MTPAP: variants seen among roughly 807,000 people sequenced by gnomAD.
MTPAP encodes poly(A) RNA polymerase, mitochondrial.
A neutral mutation model predicts 48.7 loss-of-function variants in MTPAP; 23 were observed. The ratio of observed to expected loss-of-function variants is 0.47; its 90% CI spans 0.34 to 0.67. MTPAP has a LOEUF of 0.67. Ranked by LOEUF, MTPAP falls within the 30% of genes least tolerant of loss-of-function variation. MTPAP has a pLI of 0.01. For synonymous variants in MTPAP, 257 were observed against 254.1 expected, an observed-to-expected ratio of 1.01 and a Z score of -0.11; for missense variants, 614 against 694.3, an observed-to-expected ratio of 0.88 and a Z score of 1.30.
intron 4 of MTPAP, among the ~76,000 whole-genome samples, chr10:30,328,747 CTAAG>C (rs1834628572): frequency 1.3e-5 from 2 of 152,042 alleles, no homozygotes; most frequent in African/African-American, 2.4e-5. Context: ...GGAACAGGAA[CTAAG>C]TAAGGTTCAG....
intron 8 of MTPAP, among the ~76,000 whole-genome samples, chr10:30,315,530 CA>C (rs1167513026): frequency 2.9e-5 from 4 of 138,204 alleles, no homozygotes; most frequent in Admixed American, 2.2e-4. Context: ...CAAAACAAAA[CA>C]AAACAAAAAA....
At chr10:30,328,717 C>G (rs937147382) in intron 4 of MTPAP, among the ~76,000 whole-genome samples, 40 of 152,216 alleles carry the variant, frequency 2.6e-4, no homozygotes, top group African/African-American at 9.4e-4. Flanking sequence ...TTGGAGATCT[C>G]TACTGGGAAC....
intron 4 of MTPAP, among the ~76,000 whole-genome samples, chr10:30,327,675 G>A (rs1476128944): frequency 6.6e-6 from 1 of 151,360 alleles, no homozygotes; most frequent in Non-Finnish European, 1.5e-5. Flanking sequence ...GTGAAACCCC[G>A]TCTCTACTAA....
chr10:30,319,960 T>G (rs1840702661), intron 6 of MTPAP, among the ~76,000 whole-genome samples: 1 of 152,230 alleles, frequency 6.6e-6, no homozygotes, highest in Admixed American at 6.5e-5. Flanking sequence ...TATTTAAATG[T>G]ATTTTAATGT....
intron 6 of MTPAP, among the ~76,000 whole-genome samples, 169 bp from the exon 7 acceptor site, chr10:30,316,379 A>AT (rs1183349415): frequency 1.3e-5 from 2 of 151,428 alleles, no homozygotes; most frequent in Non-Finnish European, 2.9e-5. Context: ...GGTAGCTGGG[A>AT]TTATAGGCAC....
At position 30,313,764 on chromosome 10, in the gene MTPAP, G is replaced by C. The variant is rs1021444031; in HGVS notation, c.1594C>G (p.Leu532Val). ...GACTTTCTGTTTGGAGCAGATGGTA[G>C]CAATAGGGATACCAGCCCCCAGGGC... ...NRPWGLVSLL[L>V]PSAPNRKSFT... The change falls in exon 9 of 9, where the codon CTA (leucine) becomes GTA (valine). Residue 532 changes from leucine (L) to valine (V), a missense_variant. Leu to Val is a conservative substitution (Grantham distance 32). Around this residue, in one of 5 missense-constraint regions of MTPAP, gnomAD observed 109 missense variants for 100.5 expected, o/e 1.08. Transcript: ENST00000263063. 13 of 1,614,104 alleles carry C rather than the reference G, an allele frequency of 8.1e-6. No individual in the cohort carries two copies. In the East Asian group the frequency reaches 8.9e-5, roughly 11 times the overall value.
chr10:30,337,010 G>T lies in MTPAP; in HGVS notation c.573C>A (p.Asn191Lys). The T allele has an allele frequency of 6.2e-7, 1 of 1,613,048 alleles. No individual in the cohort carries two copies. Among genetic ancestry groups the T allele is most frequent in the Non-Finnish European group, 8.5e-7 (1 of 1,179,746 alleles). ...TTAGCTGGAACTCCTTCAAGAGAGT[G>T]TTCAGCTGATCGTCTATCTAGCTAG... ...CYAESIDDQL[N>K]TLLKEFQLTE... The change falls in exon 4 of 9, where the codon AAC becomes AAA. Residue 191 changes from asparagine (N) to lysine (K), a missense_variant. This residue lies in a region of MTPAP where 114 missense variants were observed against 107.9 expected (regional missense o/e 1.06). Transcript: ENST00000263063.
chr10:30,328,632 C>G (rs940827399), intron 4 of MTPAP, among the ~76,000 whole-genome samples: 5 of 152,156 alleles, frequency 3.3e-5, no homozygotes, highest in African/African-American at 1.2e-4. Context: ...TGGACATCTA[C>G]CCCCTTCCTT....
chr10:30,324,860 C>T (rs796759522), intron 5 of MTPAP, among the ~76,000 whole-genome samples: 11 of 152,118 alleles, frequency 7.2e-5, no homozygotes, highest in African/African-American at 2.6e-4. Flanking sequence ...AGCATGATCA[C>T]ATGTGCCTGT....
chr10:30,337,379 G>A (rs903639707), intron 3 of MTPAP, among the ~76,000 whole-genome samples: 10 of 151,906 alleles, frequency 6.6e-5, no homozygotes, highest in African/African-American at 1.7e-4. Flanking sequence ...AGCCAAGATC[G>A]CACCATTGCA....
chr10:30,325,559 C>T (rs1310847736), intron 5 of MTPAP, among the ~76,000 whole-genome samples: 2 of 152,018 alleles, frequency 1.3e-5, no homozygotes, highest in African/African-American at 4.8e-5. Flanking sequence ...CCAGCCTGGC[C>T]AACAGGGTGA....
At position 30,340,387 on chromosome 10, in the gene MTPAP, G is replaced by A. The variant is rs753297953; in HGVS notation, c.394C>T (p.His132Tyr). 2.5e-6 allele frequency: 4 copies of A among 1,614,170 alleles called. No homozygotes were observed. Among genetic ancestry groups the A allele is most frequent in the East Asian group, 2.2e-5 (1 of 44,888 alleles). The change falls in exon 3 of 9, where the codon CAT becomes TAT. Residue 132 changes from histidine (H) to tyrosine (Y), a missense_variant. This residue lies in a region of MTPAP where 114 missense variants were observed against 107.9 expected (regional missense o/e 1.06). Transcript: ENST00000263063. The stretch of plus-strand genomic sequence containing the variant: ...GTCTCCATGGCCGTGCTTGGAGTAT[G>A]AGTCCCATTCTGCAGTGAACCTATG... ...ESIGSLQNGT[H>Y]TPSTAMETAI...
At chr10:30,329,368 C>T (rs562303244) in intron 4 of MTPAP, among the ~76,000 whole-genome samples, 16 of 152,236 alleles carry the variant, frequency 1.1e-4, no homozygotes, top group African/African-American at 3.8e-4. Context: ...GCTGGAACTA[C>T]AGGTACACAC....
intron 1 of MTPAP, among the ~76,000 whole-genome samples, chr10:30,347,801 G>C (rs1289678832): frequency 6.6e-6 from 1 of 152,098 alleles, no homozygotes; most frequent in Non-Finnish European, 1.5e-5. Flanking sequence ...TGAGGCAGGA[G>C]AATCACTTAA....
At chr10:30,331,994 T>C (rs1401985793) in intron 4 of MTPAP, among the ~76,000 whole-genome samples, 2 of 152,194 alleles carry the variant, frequency 1.3e-5, no homozygotes, top group South Asian at 2.1e-4. Context: ...CAGATTGAGT[T>C]GAGGAATAAA....
At chr10:30,341,882 G>A (rs1222899160) in intron 1 of MTPAP, among the ~76,000 whole-genome samples, 3 of 152,106 alleles carry the variant, frequency 2.0e-5, no homozygotes, top group African/African-American at 7.2e-5. Context: ...TATATACAAT[G>A]TTTTATCCTA....
chr10:30,343,643 C>T (rs996702441), intron 1 of MTPAP, among the ~76,000 whole-genome samples: 1 of 152,090 alleles, frequency 6.6e-6, no homozygotes, highest in Non-Finnish European at 1.5e-5. Context: ...CCCCAGCTCA[C>T]TGCAATCTCC....
chr10:30,344,111 A>G (rs1834843547), intron 1 of MTPAP, among the ~76,000 whole-genome samples: 1 of 151,854 alleles, frequency 6.6e-6, no homozygotes, highest in Admixed American at 6.6e-5. Context: ...TGGTTTCCCC[A>G]CTGCCTTTAG....
chr10:30,339,888 C>A (rs1428418575), intron 3 of MTPAP: 5 of 321,808 alleles, frequency 1.6e-5, no homozygotes, highest in South Asian at 3.2e-5. Flanking sequence ...CAATTCACTA[C>A]GTTAAGACAT....
Sources: allele counts gnomAD v4.1 joint callset (sites outside exome capture counted in the v4.1 genomes callset), GRCh38; gene constraint gnomAD v4.1.1; regional missense constraint gnomAD v4.1.1; transcripts MANE v1.5; gene names NCBI Gene and HGNC (gene_info 2026-07-23, HGNC 2026-07-21).